Variants in MYF5 observed in about 807,000 individuals in gnomAD.
MYF5 encodes the protein myogenic factor 5.
A neutral mutation model predicts 22.3 loss-of-function variants in MYF5; 20 were observed. The ratio of observed to expected loss-of-function variants is 0.90; its 90% confidence interval spans 0.63 to 1.30. The LOEUF (loss-of-function observed/expected upper bound fraction) is 1.30. Ranked by LOEUF, MYF5 falls within the 50% of genes most tolerant of loss-of-function variation. The pLI is 0.00. For missense variants in MYF5, 348 were observed against 325.9 expected (o/e 1.07, Z -0.52); for synonymous variants, 141 against 128.4 (o/e 1.10, Z -0.66).
In MYF5 at chr12:80,717,314, G is replaced by C. The variant is rs764244361; in HGVS notation, c.251G>C (p.Arg84Pro). Residue 84 changes from arginine to proline, a missense_variant, in exon 1 of 3, where the codon CGG (arginine) becomes CCG (proline). Coordinates refer to ENST00000228644, the MANE Select transcript of MYF5 (RefSeq NM_005593.3). ...AAGAGGAAGTCCACCACCATGGATC[G>C]GCGGAAGGCAGCCACTATGCGCGAG... The part of the protein sequence containing the change: ...ACKRKSTTMD[R>P]RKAATMRERR... 4 of 1,613,982 alleles carry C rather than the reference G, an allele frequency of 2.5e-6. No individual in the cohort carries two copies. Among genetic ancestry groups the C allele is most frequent in the Non-Finnish European group, 2.5e-6 (3 of 1,180,012 alleles).
rs766892886 is a variant in MYF5, at chr12:80,718,856, C to T, written c.578-5C>T. 2.5e-6 allele frequency: 4 copies of T among 1,606,720 alleles called. No homozygotes were observed. In the South Asian group the frequency reaches 3.3e-5, roughly 13 times the overall value. ...TTTTTAATGCTTTTCTCCTTGTATC[C>T]TTAGTATATGCCACAGATAAAAACT... On this transcript the variant is annotated splice_polypyrimidine_tract_variant and splice_region_variant and intron_variant, in intron 2 of 2. Coordinates refer to ENST00000228644, the MANE Select transcript of MYF5 (RefSeq NM_005593.3).
chr12:80,718,917 G>A lies in MYF5; in HGVS notation c.634G>A (p.Asp212Asn). 1 of 1,614,044 alleles carries A rather than the reference G, an allele frequency of 6.2e-7. No homozygotes were observed. Among genetic ancestry groups the A allele is most frequent in the Non-Finnish European group, 8.5e-7 (1 of 1,179,986 alleles). ...CTTGGATTGCTTATCCAACATAGTG[G>A]ACCGGATCACCTCCTCAGAGCAACC... ...SSLDCLSNIV[D>N]RITSSEQPGL... Residue 212 changes from aspartate (D) to asparagine (N), a missense_variant, in exon 3 of 3, where the codon GAC becomes AAC. Asp to Asn is a conservative substitution (Grantham distance 23). Transcript: ENST00000228644.
chr12:80,717,961 T>C (rs1445808072), intron 1 of MYF5, among the ~76,000 whole-genome samples: 3 of 152,172 alleles, frequency 2.0e-5, no homozygotes, highest in Non-Finnish European at 4.4e-5. Context: ...CCTGCTCCAA[T>C]GAGGCCTGGC....
chr12:80,718,991 C>G lies in MYF5; in HGVS notation c.708C>G (p.Thr236=), dbSNP rs565591443. The G allele has an allele frequency of 6.2e-7, 1 of 1,613,982 alleles. No homozygotes were observed. Among genetic ancestry groups the G allele is most frequent in the East Asian group, 2.2e-5 (1 of 44,872 alleles). Residue 236 remains threonine (T), a synonymous_variant, in exon 3 of 3, where the codon ACC becomes ACG. Transcript: ENST00000228644. ...CTTCTCTCTCTCCAGTTGCCAGCACCGATTCACAGCCTGCAACTCCAGGGG... is the reference window on the plus strand; with the variant it reads ...CTTCTCTCTCTCCAGTTGCCAGCACGGATTCACAGCCTGCAACTCCAGGGG... ...DLASLSPVAS[T]DSQPATPGAS...
At chr12:80,718,614 C>G (rs558966641) in intron 2 of MYF5, among the ~76,000 whole-genome samples, 181 bp downstream of exon 2, 1 of 152,268 alleles carries the variant, frequency 6.6e-6, no homozygotes, top group South Asian at 2.1e-4. Flanking sequence ...AGCAGACACG[C>G]ACGCACACAT....
chr12:80,716,961 AG>A lies in MYF5; in HGVS notation c.-100del. On this transcript the variant is annotated 5_prime_UTR_variant, in exon 1 of 3. Transcript: ENST00000228644. ...TTGTTAATTACCGGAGCGACAGACT[AG>A]GGAGCTCCGCCCGGGATTTGCCCAT... 1 of 1,410,430 alleles carries A rather than the reference AG, an allele frequency of 7.1e-7. No individual in the cohort carries two copies. Among genetic ancestry groups the A allele is most frequent in the Non-Finnish European group, 9.6e-7 (1 of 1,044,032 alleles). The allele number at this position is 1,410,430 out of a possible 1,614,324, so 87.4% of individuals were successfully genotyped here.
In MYF5 at chr12:80,717,076, G is replaced by A; in HGVS notation, c.13G>A (p.Asp5Asn). Residue 5 changes from aspartate to asparagine, a missense_variant, in exon 1 of 3, where the codon GAT becomes AAT. Coordinates refer to ENST00000228644, the MANE Select transcript of MYF5 (RefSeq NM_005593.3). The stretch of plus-strand genomic sequence containing the variant: ...GCCTCTCAGCAGGATGGACGTGATG[G>A]ATGGCTGCCAGTTCTCACCTTCTGA... Reference protein sequence around the residue: MDVMDGCQFSPSEYF... With the variant: MDVMNGCQFSPSEYF... 1.2e-6 allele frequency: 2 copies of A among 1,603,392 alleles called. No individual in the cohort carries two copies. Among genetic ancestry groups the A allele is most frequent in the East Asian group, 2.2e-5 (1 of 44,722 alleles).
Position 80,717,000 on chromosome 12 carries a change from C to A in MYF5, c.-64C>A. On this transcript the variant is annotated 5_prime_UTR_variant, in exon 1 of 3. Coordinates refer to ENST00000228644, the MANE Select transcript of MYF5 (RefSeq NM_005593.3). ...GGGATTTGCCCATCGGCGGAGGCGC[C>A]AGGCTCCCGTTTCTCCCCATCCCTC... 6.5e-7 allele frequency: 1 copy of A among 1,535,590 alleles called. No individual in the cohort carries two copies. Among genetic ancestry groups the A allele is most frequent in the South Asian group, 1.2e-5 (1 of 80,964 alleles).
intron 2 of MYF5, 145 bp downstream of exon 2, chr12:80,718,578 A>G (rs1868665224): frequency 2.6e-6 from 2 of 762,446 alleles, no homozygotes; most frequent in Admixed American, 4.4e-5. Context: ...AGCAAAATAA[A>G]CACATCTTCT....
intron 1 of MYF5, among the ~76,000 whole-genome samples, chr12:80,717,999 A>AG (rs1868649658): frequency 6.6e-6 from 1 of 152,156 alleles, no homozygotes; most frequent in Non-Finnish European, 1.5e-5. Context: ...TTCTTTTTAG[A>AG]GGGCGTTTGC....
Position 80,717,228 on chromosome 12 carries a change from G to T in MYF5, c.165G>T (p.Val55=). The T allele has an allele frequency of 6.2e-7, 1 of 1,614,060 alleles. No individual in the cohort carries two copies. The highest frequency in any genetic ancestry group is 8.5e-7 in the Non-Finnish European group (1 of 1,180,034). The part of the protein sequence containing the change: ...ELQGSDEDEH[V]RAPTGHHQAG... ...AGGGCTCAGATGAGGACGAGCACGT[G>T]CGAGCGCCTACCGGCCACCACCAGG... Residue 55 remains valine, a synonymous_variant, in exon 1 of 3, where the codon GTG becomes GTT. Coordinates refer to ENST00000228644, the MANE Select transcript of MYF5 (RefSeq NM_005593.3).
At position 80,717,569 on chromosome 12, in the gene MYF5, G is replaced by A. The variant is rs768931579; in HGVS notation, c.501+5G>A. On this transcript the variant is annotated splice_donor_5th_base_variant and intron_variant, in intron 1 of 2. Transcript: ENST00000228644. Reference sequence around the variant, plus strand: ...TCCAACTGCTCTGATGGCATGGTAAGCAATAGATCTGGTACCTGCTAGGCT... The same window carrying A: ...TCCAACTGCTCTGATGGCATGGTAAACAATAGATCTGGTACCTGCTAGGCT... The A allele has an allele frequency of 1.9e-6, 3 of 1,612,338 alleles. No individual in the cohort carries two copies. The South Asian group carries it at 3.3e-5, about 18-fold the overall frequency.
At chr12:80,718,537 A>G in intron 2 of MYF5, 104 bp downstream of exon 2, 2 of 1,065,848 alleles carry the variant, frequency 1.9e-6, no homozygotes, top group African/African-American at 3.1e-5. Context: ...GGAGAATGGA[A>G]GTGATGGTTC....
At chr12:80,718,252 A>G in intron 1 of MYF5, 106 bp from the exon 2 acceptor site, 1 of 876,478 alleles carries the variant, frequency 1.1e-6, no homozygotes, top group Non-Finnish European at 1.9e-6. Context: ...AAGGTGATTG[A>G]CAGTGTTCGG....
chr12:80,717,131 C>A lies in MYF5; in HGVS notation c.68C>A (p.Ser23Tyr). The A allele has an allele frequency of 6.2e-7, 1 of 1,613,586 alleles. No homozygotes were observed. The highest frequency in any genetic ancestry group is 2.2e-5 in the East Asian group (1 of 44,848). ...EYFYDGSCIP[S>Y]PEGEFGDEFV... The stretch of plus-strand genomic sequence containing the variant: ...TTCTACGACGGCTCCTGCATACCGT[C>A]CCCCGAGGGTGAATTTGGGGACGAG... Residue 23 changes from serine to tyrosine, a missense_variant, in exon 1 of 3, where the codon TCC becomes TAC. By Grantham distance (144) the Ser-to-Tyr change is moderately radical (BLOSUM62 -2). Coordinates refer to ENST00000228644, the MANE Select transcript of MYF5 (RefSeq NM_005593.3).
rs1289442350 is a variant in MYF5, at chr12:80,717,136, G to A, written c.73G>A (p.Glu25Lys). 1.4e-5 allele frequency: 23 copies of A among 1,613,592 alleles called. No homozygotes were observed. Among genetic ancestry groups the A allele is most frequent in the Non-Finnish European group, 1.9e-5 (23 of 1,180,036 alleles). ...FYDGSCIPSP[E>K]GEFGDEFVPR... ...CGACGGCTCCTGCATACCGTCCCCC[G>A]AGGGTGAATTTGGGGACGAGTTTGT... The change falls in exon 1 of 3, where the codon GAG becomes AAG. Residue 25 changes from glutamate (E) to lysine (K), a missense_variant. Physicochemically the swap from Glu to Lys is moderately conservative, Grantham distance 56 (BLOSUM62 1). Coordinates refer to ENST00000228644, the MANE Select transcript of MYF5 (RefSeq NM_005593.3).
Position 80,717,268 on chromosome 12 carries a change from A to T in MYF5, c.205A>T (p.Met69Leu). The T allele has an allele frequency of 6.2e-7, 1 of 1,614,060 alleles. No homozygotes were observed. The highest frequency in any genetic ancestry group is 1.1e-5 in the South Asian group (1 of 91,080). The change falls in exon 1 of 3, where the codon ATG (methionine) becomes TTG (leucine). Residue 69 changes from methionine to leucine, a missense_variant. By Grantham distance (15) the Met-to-Leu change is conservative. Coordinates refer to ENST00000228644, the MANE Select transcript of MYF5 (RefSeq NM_005593.3). ...CCACCACCAGGCTGGTCACTGCCTCATGTGGGCCTGCAAAGCCTGCAAGAG... is the reference window on the plus strand; with the variant it reads ...CCACCACCAGGCTGGTCACTGCCTCTTGTGGGCCTGCAAAGCCTGCAAGAG... ...TGHHQAGHCL[M>L]WACKACKRKS...
In MYF5 at chr12:80,718,960, A is replaced by AT; in HGVS notation, c.678dup (p.Leu227SerfsTer21). On this transcript the variant is annotated frameshift_variant, in exon 3 of 3. Coordinates refer to ENST00000228644, the MANE Select transcript of MYF5 (RefSeq NM_005593.3). LOFTEE classifies it high-confidence loss of function. ...GAGCAACCTGGGTTGCCTCTCCAGG[A>AT]TCTGGCTTCTCTCTCTCCAGTTGCC... 1 of 1,614,136 alleles carries AT rather than the reference A, an allele frequency of 6.2e-7. No homozygotes were observed. The highest frequency in any genetic ancestry group is 8.5e-7 in the Non-Finnish European group (1 of 1,180,024).
At position 80,717,198 on chromosome 12, in the gene MYF5, G is replaced by A. The variant is rs1378925728; in HGVS notation, c.135G>A (p.Glu45=). Residue 45 remains glutamate, a synonymous_variant, in exon 1 of 3, where the codon GAG becomes GAA. Transcript: ENST00000228644. ...CTGCCTTCGGAGCGCACAAAGCAGA[G>A]CTGCAGGGCTCAGATGAGGACGAGC... ...RVAAFGAHKA[E]LQGSDEDEHV... 1 of 1,614,096 alleles carries A rather than the reference G, an allele frequency of 6.2e-7. No individual in the cohort carries two copies. Among genetic ancestry groups the A allele is most frequent in the South Asian group, 1.1e-5 (1 of 91,088 alleles).
Sources: gnomAD v4.1 joint callset for allele counts (sites outside exome capture counted in the v4.1 genomes callset) on GRCh38, gnomAD v4.1.1 for gene constraint, MANE v1.5 for transcripts, NCBI Gene and HGNC (gene_info 2026-07-23, HGNC 2026-07-21) for gene names.